Variants in SLC35F1 observed in about 807,000 individuals in gnomAD.
SLC35F1 encodes chromosome 6 open reading frame 169.
SLC35F1 carries 14 observed loss-of-function variants against 48.7 expected under a neutral mutation model. The observed-to-expected ratio is 0.29, with a 90% CI of 0.19 to 0.45. The LOEUF (loss-of-function observed/expected upper bound fraction) is 0.45, where lower values mean the gene tolerates loss of function less well. SLC35F1 is among the 20% of genes least tolerant of loss of function. The pLI, the probability that SLC35F1 is intolerant of heterozygous loss-of-function variation, is 1.00. For synonymous variants in SLC35F1, 190 were observed against 202.2 expected, an observed-to-expected ratio of 0.94 and a Z score of 0.51; for missense variants, 404 against 500.0, an observed-to-expected ratio of 0.81 and a Z score of 1.83.
At chr6:117,991,879 G>T (rs901348744) in intron 1 of SLC35F1, among the ~76,000 whole-genome samples, 2 of 151,974 alleles carry the variant, frequency 1.3e-5, no homozygotes, top group Non-Finnish European at 2.9e-5. Flanking sequence ...AAATGTCTCT[G>T]TTTGTGTCCA....
chr6:118,038,120 A>G (rs916457039), intron 1 of SLC35F1, among the ~76,000 whole-genome samples: 2 of 152,138 alleles, frequency 1.3e-5, no homozygotes, highest in African/African-American at 4.8e-5. Flanking sequence ...ATCTTTTTAT[A>G]TTATGGTTGT....
intron 1 of SLC35F1, among the ~76,000 whole-genome samples, chr6:118,010,644 G>A (rs1319692430): frequency 1.3e-5 from 2 of 152,130 alleles, no homozygotes; most frequent in East Asian, 3.9e-4. Context: ...CACTCATGTT[G>A]TATAAAATGT....
intron 2 of SLC35F1, among the ~76,000 whole-genome samples, chr6:118,166,422 G>T (rs1026059673): frequency 2.5e-4 from 38 of 152,170 alleles, no homozygotes; most frequent in Admixed American, 2.0e-4. Context: ...TTCAACGTTT[G>T]GCTTAGTGGA....
At chr6:118,162,276 G>A (rs180971786) in intron 2 of SLC35F1, among the ~76,000 whole-genome samples, 1 of 152,248 alleles carries the variant, frequency 6.6e-6, no homozygotes, top group African/African-American at 2.4e-5. Context: ...AGTTTACATA[G>A]TATATAATTA....
At chr6:118,307,114 G>A (rs915140206) in intron 7 of SLC35F1, among the ~76,000 whole-genome samples, 1 of 149,842 alleles carries the variant, frequency 6.7e-6, no homozygotes, top group African/African-American at 2.4e-5. Flanking sequence ...CACAATGCTT[G>A]GAGAATAAAT....
At chr6:118,273,300 T>G (rs1775881524) in intron 4 of SLC35F1, among the ~76,000 whole-genome samples, 1 of 152,220 alleles carries the variant, frequency 6.6e-6, no homozygotes, top group South Asian at 2.1e-4. Flanking sequence ...TTTTTAGGAC[T>G]TTTAAAAGGT....
chr6:118,207,685 C>T (rs1774953443), intron 2 of SLC35F1, among the ~76,000 whole-genome samples: 1 of 152,162 alleles, frequency 6.6e-6, no homozygotes, highest in Non-Finnish European at 1.5e-5. Flanking sequence ...AACACTGAAG[C>T]AGTTTTCTGT....
chr6:117,935,832 T>C (rs1270876622), intron 1 of SLC35F1, among the ~76,000 whole-genome samples: 3 of 152,264 alleles, frequency 2.0e-5, no homozygotes, highest in Non-Finnish European at 2.9e-5. Flanking sequence ...TTTGCCACTC[T>C]AGATGTATGT....
intron 1 of SLC35F1, among the ~76,000 whole-genome samples, chr6:118,061,867 G>A (rs1772546027): frequency 6.6e-6 from 1 of 152,020 alleles, no homozygotes; most frequent in South Asian, 2.1e-4. Context: ...GCACTCCTAC[G>A]AGAATCTAAT....
chr6:118,173,136 A>T (rs1180024618), intron 2 of SLC35F1, among the ~76,000 whole-genome samples: 6 of 152,142 alleles, frequency 3.9e-5, no homozygotes, highest in African/African-American at 1.4e-4. Context: ...GTAACTTACT[A>T]AAAATTATGT....
chr6:118,225,099 C>T (rs1775197950), intron 2 of SLC35F1, among the ~76,000 whole-genome samples: 1 of 152,082 alleles, frequency 6.6e-6, no homozygotes, highest in Non-Finnish European at 1.5e-5. Flanking sequence ...GACAGTATCA[C>T]CCAAAGCAAA....
At chr6:117,989,954 T>C (rs1316560156) in intron 1 of SLC35F1, among the ~76,000 whole-genome samples, 1 of 152,182 alleles carries the variant, frequency 6.6e-6, no homozygotes, top group Non-Finnish European at 1.5e-5. Context: ...TAAAACTATA[T>C]ATATGTGGTA....
chr6:118,026,753 A>G lies in SLC35F1; in HGVS notation c.173+118854A>G, dbSNP rs1771954363. Among the ~76,000 whole-genome samples the G allele has an allele frequency of 2.0e-5, 3 of 152,218 alleles. No homozygotes were observed. In the South Asian group the frequency reaches 6.2e-4, roughly 32 times the overall value. The stretch of plus-strand genomic sequence containing the variant: ...TAATGAGTTTGGGATGAAAAAACTA[A>G]AAGATTTTTATTCCTTTTTTCTGGT... On this transcript the variant is annotated intron_variant, in intron 1 of 7. Coordinates refer to ENST00000360388, the MANE Select transcript of SLC35F1 (RefSeq NM_001029858.4).
chr6:118,103,428 T>C (rs536911965), intron 1 of SLC35F1, among the ~76,000 whole-genome samples: 17 of 152,360 alleles, frequency 1.1e-4, no homozygotes, highest in African/African-American at 1.7e-4. Flanking sequence ...TCTCCTGCCC[T>C]GATGTCTGCC....
At chr6:118,245,173 C>T (rs1020711105) in intron 3 of SLC35F1, among the ~76,000 whole-genome samples, 5 of 152,198 alleles carry the variant, frequency 3.3e-5, no homozygotes, top group African/African-American at 9.6e-5. Flanking sequence ...ATTCTATAAT[C>T]GATCTAATCT....
intron 1 of SLC35F1, among the ~76,000 whole-genome samples, chr6:118,084,532 G>C (rs981922580): frequency 6.6e-5 from 10 of 152,116 alleles, no homozygotes; most frequent in African/African-American, 2.4e-4. Flanking sequence ...GCCTACAAAT[G>C]CTTTACCTTC....
rs73514289 is a variant in SLC35F1 at position 118,275,638 on chromosome 6, A to G, written c.794+23A>G. 4.0e-4 allele frequency: 638 copies of G among 1,610,394 alleles called. 4 individuals carry two copies. In the African/African-American group the frequency reaches 7.7e-3, roughly 19 times the overall value. ...ATTGTGAGTAAAAATAACAAGAAATATAGATAGTAGAGGGACTGTCAAGAC... is the reference window on the plus strand; with the variant it reads ...ATTGTGAGTAAAAATAACAAGAAATGTAGATAGTAGAGGGACTGTCAAGAC... On this transcript the variant is annotated intron_variant, in intron 5 of 7. Coordinates refer to ENST00000360388, the MANE Select transcript of SLC35F1 (RefSeq NM_001029858.4).
At chr6:117,920,089 G>A (rs773466361) in intron 1 of SLC35F1, among the ~76,000 whole-genome samples, 7 of 152,230 alleles carry the variant, frequency 4.6e-5, no homozygotes, top group Non-Finnish European at 7.3e-5. Flanking sequence ...CCGGGTTCCC[G>A]GGGCTGGCTG....
chr6:118,110,149 T>A (rs567711215), intron 1 of SLC35F1, among the ~76,000 whole-genome samples: 1 of 152,276 alleles, frequency 6.6e-6, no homozygotes, highest in East Asian at 1.9e-4. Flanking sequence ...ACCTCTGGTT[T>A]CAGGTCTGAC....
Sources: gnomAD v4.1 joint callset for allele counts (sites outside exome capture counted in the v4.1 genomes callset) on GRCh38, gnomAD v4.1.1 for gene constraint, MANE v1.5 for transcripts, NCBI Gene and HGNC (gene_info 2026-07-23, HGNC 2026-07-21) for gene names.